Variants in UNC13C observed in about 807,000 individuals in gnomAD.
UNC13C encodes protein unc-13 homolog C.
In UNC13C, 174 loss-of-function variants were observed where a neutral mutation model predicts 245.4. That is an observed-to-expected ratio of 0.71 (90% CI 0.63 to 0.80). UNC13C has a LOEUF of 0.80. UNC13C is among the 30% of genes least tolerant of loss of function. UNC13C has a pLI of 0.00. For missense variants in UNC13C, 2,829 were observed against 2,602.9 expected (o/e 1.09, Z -1.89); for synonymous variants, 992 against 895.1 (o/e 1.11, Z -1.93).
At position 54,156,403 on chromosome 15, in the gene UNC13C, A is replaced by C. The variant is rs761222722; in HGVS notation, c.3071+12719A>C. Among the ~76,000 whole-genome samples, 3 of 152,152 alleles carry C rather than the reference A, an allele frequency of 2.0e-5. No individual in the cohort carries two copies. The East Asian group carries it at 5.8e-4, about 29-fold the overall frequency. ...ATCACTGCTGAGAATCATCTGTATA[A>C]ATCTTTTTATACAAGATGACATCAT... On this transcript the variant is annotated intron_variant, in intron 4 of 32. Coordinates refer to ENST00000260323, the MANE Select transcript of UNC13C (RefSeq NM_001080534.3).
chr15:54,253,148 C>T lies in UNC13C; in HGVS notation c.3448+2704C>T, dbSNP rs1419260386. Among the ~76,000 whole-genome samples, 3 of 152,164 alleles carry T rather than the reference C, an allele frequency of 2.0e-5. No homozygotes were observed. In the East Asian group the frequency reaches 5.8e-4, roughly 29 times the overall value. Reference sequence around the variant, plus strand: ...CTCTACATGTGGTCTGACCAATGGCCCATGCAAAAGAGAGAGTATGTCAAG... The same window carrying T: ...CTCTACATGTGGTCTGACCAATGGCTCATGCAAAAGAGAGAGTATGTCAAG... On this transcript the variant is annotated intron_variant, in intron 8 of 32. Coordinates refer to ENST00000260323, the MANE Select transcript of UNC13C (RefSeq NM_001080534.3).
intron 30 of UNC13C, among the ~76,000 whole-genome samples, chr15:54,577,876 A>G (rs1898025044): frequency 6.6e-6 from 1 of 152,168 alleles, no homozygotes; most frequent in Non-Finnish European, 1.5e-5. Flanking sequence ...GTTTTCTTCC[A>G]TGGCAACTCC....
intron 2 of UNC13C, among the ~76,000 whole-genome samples, chr15:54,017,760 C>A (rs559532396): frequency 3.3e-5 from 5 of 152,268 alleles, no homozygotes; most frequent in African/African-American, 1.2e-4. Flanking sequence ...CCTTGGAATA[C>A]ACACATGCTC....
intron 2 of UNC13C, among the ~76,000 whole-genome samples, chr15:54,040,091 A>G (rs191968299): frequency 1.2e-3 from 183 of 151,754 alleles, no homozygotes; most frequent in African/African-American, 4.3e-3. Flanking sequence ...TCTTGTTCTT[A>G]CTGCTGAAAC....
chr15:54,596,069 A>T (rs1596641284), intron 30 of UNC13C, among the ~76,000 whole-genome samples: 2 of 152,104 alleles, frequency 1.3e-5, no homozygotes. Context: ...AACGAAGCTT[A>T]TTGGTATTTT....
intron 4 of UNC13C, among the ~76,000 whole-genome samples, chr15:54,198,922 C>G (rs114610684): frequency 0.011 from 1,727 of 151,962 alleles, 42 homozygotes; most frequent in African/African-American, 0.04. Context: ...AAGGTGAAGT[C>G]TAACTTAAAT....
At chr15:54,374,837 G>A (rs1421557853) in intron 17 of UNC13C, among the ~76,000 whole-genome samples, 2 of 152,236 alleles carry the variant, frequency 1.3e-5, no homozygotes, top group African/African-American at 4.8e-5. Context: ...TCTCCAGATG[G>A]GCTGCCACTG....
chr15:53,892,201 G>A, the UNC13C span, among the ~76,000 whole-genome samples: 1 of 152,144 alleles, frequency 6.6e-6, no homozygotes. Flanking sequence ...TTGAGTATTG[G>A]CCCCCGCTCT....
chr15:54,485,217 A>G (rs1285752493), intron 19 of UNC13C, among the ~76,000 whole-genome samples: 1 of 152,226 alleles, frequency 6.6e-6, no homozygotes, highest in Non-Finnish European at 1.5e-5. Flanking sequence ...GAAAATGAAG[A>G]AATGGAAATG....
intron 10 of UNC13C, among the ~76,000 whole-genome samples, chr15:54,279,705 T>A (rs1039047194): frequency 2.0e-5 from 3 of 152,214 alleles, no homozygotes; most frequent in East Asian, 1.9e-4. Context: ...CTCTGGCTAT[T>A]GATTTTGTTT....
intron 17 of UNC13C, among the ~76,000 whole-genome samples, chr15:54,372,871 G>A (rs547002822): frequency 6.6e-6 from 1 of 152,310 alleles, no homozygotes; most frequent in South Asian, 2.1e-4. Flanking sequence ...AGCCATAGGT[G>A]ACAATCGAGT....
chr15:54,553,991 T>G (rs117669544), intron 28 of UNC13C, among the ~76,000 whole-genome samples: 1,733 of 152,158 alleles, frequency 0.011, 14 homozygotes, highest in Non-Finnish European at 0.018. Context: ...TGAACTCATA[T>G]GATTAACTTG....
At chr15:54,456,417 T>A (rs1391872654) in intron 19 of UNC13C, among the ~76,000 whole-genome samples, 2 of 152,032 alleles carry the variant, frequency 1.3e-5, no homozygotes, top group Non-Finnish European at 2.9e-5. Flanking sequence ...GGGAATTGCA[T>A]TGAATATATA....
the UNC13C span, among the ~76,000 whole-genome samples, chr15:53,898,448 A>G: frequency 1.3e-5 from 2 of 152,170 alleles, no homozygotes; most frequent in African/African-American, 4.8e-5. Flanking sequence ...ACACACTAAC[A>G]CACTTTTTTT....
In UNC13C at chr15:54,014,634, T is replaced by G; in HGVS notation, c.1731T>G (p.Ser577=). The G allele has an allele frequency of 1.2e-6, 2 of 1,613,628 alleles. No individual in the cohort carries two copies. The highest frequency in any genetic ancestry group is 4.5e-5 in the East Asian group (2 of 44,870). The change falls in exon 2 of 33, where the codon TCT becomes TCG. Residue 577 remains serine, a synonymous_variant. Coordinates refer to ENST00000260323, the MANE Select transcript of UNC13C (RefSeq NM_001080534.3). The part of the protein sequence containing the change: ...NQFFTRTNGS[S]LLSSSDRELW... ...TTTTCACTAGAACTAATGGAAGCTC[T>G]CTCCTGTCATCTTCGGACCGGGAGC...
intron 4 of UNC13C, among the ~76,000 whole-genome samples, chr15:54,188,561 G>A (rs893733515): frequency 1.3e-5 from 2 of 152,140 alleles, no homozygotes; most frequent in African/African-American, 2.4e-5. Context: ...ATTTTGTCCC[G>A]ATAAGAGCAA....
At chr15:54,299,557 A>C (rs922169151) in intron 12 of UNC13C, among the ~76,000 whole-genome samples, 1 of 152,136 alleles carries the variant, frequency 6.6e-6, no homozygotes, top group African/African-American at 2.4e-5. Context: ...CCTTCTGCAA[A>C]TGGTTTGGTA....
intron 24 of UNC13C, among the ~76,000 whole-genome samples, chr15:54,522,735 A>G (rs1244315906): frequency 6.6e-6 from 1 of 152,210 alleles, no homozygotes; most frequent in African/African-American, 2.4e-5. Context: ...TTTTAAATTC[A>G]GAATTTGACT....
chr15:54,072,883 CT>C (rs34408333), intron 2 of UNC13C, among the ~76,000 whole-genome samples: 74,711 of 151,438 alleles, frequency 0.49, 20,258 homozygotes, highest in Non-Finnish European at 0.61. Context: ...TCTTCTTCTT[CT>C]TTTTTTTTAA....
Sources: gnomAD v4.1 joint callset for allele counts (sites outside exome capture counted in the v4.1 genomes callset) on GRCh38, gnomAD v4.1.1 for gene constraint, MANE v1.5 for transcripts, NCBI Gene and HGNC (gene_info 2026-07-23, HGNC 2026-07-21) for gene names.